Variants in NCOA7 observed in about 807,000 individuals in gnomAD.
NCOA7 encodes the protein 140 kDa estrogen receptor-associated protein.
In NCOA7, 45 loss-of-function variants were observed where a neutral mutation model predicts 104.3. That is an observed-to-expected ratio of 0.43 (90% CI 0.34 to 0.55). The LOEUF is 0.55. Among genes scored for constraint, NCOA7 ranks in the 20% least tolerant of loss-of-function variants. NCOA7 has a pLI of 0.02. For synonymous variants in NCOA7, 398 were observed against 402.3 expected, an observed-to-expected ratio of 0.99 and a Z score of 0.13; for missense variants, 1,041 against 1,119.7, an observed-to-expected ratio of 0.93 and a Z score of 1.00.
chr6:125,883,297 T>C (rs1783996664), intron 7 of NCOA7, among the ~76,000 whole-genome samples: 1 of 152,212 alleles, frequency 6.6e-6, no homozygotes, highest in Admixed American at 6.5e-5. Context: ...TGTGCATTTA[T>C]AAAATTTGCA....
intron 3 of NCOA7, 152 bp from the exon 4 acceptor site, chr6:125,874,737 T>C: frequency 1.7e-6 from 1 of 579,922 alleles, no homozygotes; most frequent in Non-Finnish European, 3.1e-6. Flanking sequence ...AGTGTGCTTT[T>C]ATGAGTATGA....
intron 10 of NCOA7, among the ~76,000 whole-genome samples, chr6:125,907,983 C>T (rs1190256986): frequency 1.3e-5 from 2 of 152,148 alleles, no homozygotes; most frequent in Non-Finnish European, 2.9e-5. Context: ...TCTCTAGAAA[C>T]CTTCCTCCAG....
At chr6:125,789,755 T>G (rs1254385364), upstream of NCOA7, among the ~76,000 whole-genome samples, 1 of 152,236 alleles carries the variant, frequency 6.6e-6, no homozygotes. Flanking sequence ...TGTTAACGCT[T>G]TGCTCCGCCT....
chr6:125,903,285 C>T (rs1033754513), intron 10 of NCOA7, among the ~76,000 whole-genome samples: 4 of 152,220 alleles, frequency 2.6e-5, no homozygotes, highest in Non-Finnish European at 4.4e-5. Context: ...GCATGTATGG[C>T]AGGTTTCTTC....
At chr6:125,812,631 C>G (rs1251134707) in intron 1 of NCOA7, among the ~76,000 whole-genome samples, 1 of 152,190 alleles carries the variant, frequency 6.6e-6, no homozygotes, top group Non-Finnish European at 1.5e-5. Flanking sequence ...TTTCCTCTAG[C>G]CTTCACTGCC....
chr6:125,857,274 G>A (rs1285794435), intron 3 of NCOA7, among the ~76,000 whole-genome samples: 1 of 152,026 alleles, frequency 6.6e-6, no homozygotes, highest in African/African-American at 2.4e-5. Flanking sequence ...GTCTTGCACT[G>A]TCACCCAGAC....
Position 125,917,503 on chromosome 6 carries a change from AC to A in NCOA7, c.2244+2029del, listed in dbSNP as rs759491288. 7.2e-5 allele frequency among the ~76,000 whole-genome samples: 11 copies of A among 152,166 alleles called. No individual in the cohort carries two copies. The East Asian group carries it at 1.2e-3, about 16-fold the overall frequency. On this transcript the variant is annotated intron_variant, in intron 11 of 15. Transcript: ENST00000392477. Reference sequence around the variant, plus strand: ...TCCTCTGTGAATAAGCTATCTCAGAACCCCCCAGGTCACCCCAACCTCCTTT... The same window carrying A: ...TCCTCTGTGAATAAGCTATCTCAGAACCCCCAGGTCACCCCAACCTCCTTT...
intron 1 of NCOA7, among the ~76,000 whole-genome samples, chr6:125,801,145 T>C (rs1247697389): frequency 6.6e-6 from 1 of 152,178 alleles, no homozygotes; most frequent in Non-Finnish European, 1.5e-5. Context: ...GTGATAGAAG[T>C]GGCATAGTAC....
Position 125,867,353 on chromosome 6 carries a change from G to A in NCOA7, c.272-7536G>A, listed in dbSNP as rs560854924. Among the ~76,000 whole-genome samples, 4 of 152,198 alleles carry A rather than the reference G, an allele frequency of 2.6e-5. No individual in the cohort carries two copies. The East Asian group carries it at 7.7e-4, about 29-fold the overall frequency. The stretch of plus-strand genomic sequence containing the variant: ...TTGACTAGATTTCAGAACCAAGTTG[G>A]GTATAAACCATAAATTGATATTGGT... On this transcript the variant is annotated intron_variant, in intron 3 of 15. Transcript: ENST00000392477.
intron 6 of NCOA7, among the ~76,000 whole-genome samples, chr6:125,881,889 C>T (rs1447117096): frequency 6.6e-6 from 1 of 152,010 alleles, no homozygotes; most frequent in African/African-American, 2.4e-5. Flanking sequence ...CTTTCTCCGT[C>T]ACCCAGACTG....
chr6:125,828,368 A>T (rs1460813340), intron 2 of NCOA7, among the ~76,000 whole-genome samples: 1 of 152,196 alleles, frequency 6.6e-6, no homozygotes, highest in Non-Finnish European at 1.5e-5. Context: ...GGTCACTGAT[A>T]ATTGATTGGA....
intron 2 of NCOA7, among the ~76,000 whole-genome samples, chr6:125,833,094 G>A (rs188060167): frequency 3.3e-5 from 5 of 152,186 alleles, no homozygotes; most frequent in African/African-American, 7.2e-5. Context: ...GCTCCAGTTT[G>A]TGTTGCCGCA....
At chr6:125,784,054 G>A (rs1352320007) in intron 1 of NCOA7, among the ~76,000 whole-genome samples, 1 of 152,032 alleles carries the variant, frequency 6.6e-6, no homozygotes, top group Non-Finnish European at 1.5e-5. Context: ...TTATTAACTT[G>A]CCCACAAGTG....
intron 11 of NCOA7, among the ~76,000 whole-genome samples, chr6:125,919,799 T>A (rs909020670): frequency 6.6e-6 from 1 of 152,262 alleles, no homozygotes; most frequent in Non-Finnish European, 1.5e-5. Context: ...TTTTCTTACT[T>A]GTAAATCTGG....
chr6:125,877,914 C>T (rs2128643546), intron 4 of NCOA7, among the ~76,000 whole-genome samples: 1 of 152,302 alleles, frequency 6.6e-6, no homozygotes, highest in African/African-American at 2.4e-5. Flanking sequence ...AGCCCCACTT[C>T]CCCTGAGGGT....
At chr6:125,864,483 C>G (rs1307638446) in intron 3 of NCOA7, among the ~76,000 whole-genome samples, 1 of 136,092 alleles carries the variant, frequency 7.3e-6, no homozygotes, top group East Asian at 2.1e-4. Flanking sequence ...AAAATCACTA[C>G]TATGATCTGA....
intron 5 of NCOA7, among the ~76,000 whole-genome samples, chr6:125,880,594 C>A (rs754383969): frequency 1.3e-5 from 2 of 151,940 alleles, no homozygotes; most frequent in African/African-American, 2.4e-5. Flanking sequence ...GTGGCACGAT[C>A]TTGGCTCACT....
chr6:125,878,380 C>G lies in NCOA7; in HGVS notation c.459+10C>G. On this transcript the variant is annotated intron_variant, in intron 5 of 15. Transcript: ENST00000392477. ...TATTGTTCCAGGCCAGGTAATTATACTCTTACTGGATATAACTCTAGAAAT... is the reference window on the plus strand; with the variant it reads ...TATTGTTCCAGGCCAGGTAATTATAGTCTTACTGGATATAACTCTAGAAAT... 6.4e-7 allele frequency: 1 copy of G among 1,570,490 alleles called. No homozygotes were observed. The highest frequency in any genetic ancestry group is 8.7e-7 in the Non-Finnish European group (1 of 1,147,992).
rs77268792 is a variant in NCOA7, at chr6:125,904,288, G to A, written c.2097-11045G>A. The stretch of plus-strand genomic sequence containing the variant: ...TCAACACCAACATCCCAGCTCCGAT[G>A]CCCCTCAGCTGTTGTGTTGGCACTG... On this transcript the variant is annotated intron_variant, in intron 10 of 15. Transcript: ENST00000392477. Among the ~76,000 whole-genome samples the A allele has an allele frequency of 6.0e-3, 916 of 152,076 alleles. 13 individuals carry two copies. Among genetic ancestry groups the A allele is most frequent in the African/African-American group, 0.021 (852 of 41,456 alleles).
Sources: allele counts gnomAD v4.1 joint callset (sites outside exome capture counted in the v4.1 genomes callset), GRCh38; gene constraint gnomAD v4.1.1; transcripts MANE v1.5; gene names NCBI Gene and HGNC (gene_info 2026-07-23, HGNC 2026-07-21).